SSBP2: variants seen among roughly 807,000 people sequenced by gnomAD.
SSBP2 encodes single-stranded DNA-binding protein 2.
SSBP2 carries 17 observed loss-of-function variants against 61.8 expected under a neutral mutation model. The ratio of observed to expected loss-of-function variants is 0.28; its 90% CI spans 0.19 to 0.41. The LOEUF (loss-of-function observed/expected upper bound fraction) is 0.41. Among genes scored for constraint, SSBP2 ranks in the 10% least tolerant of loss-of-function variants. The probability of loss-of-function intolerance (pLI) is 1.00; values close to 1 mark genes in which losing one functional copy is unlikely to be tolerated. For synonymous variants in SSBP2, 139 were observed against 141.3 expected (o/e 0.98, Z 0.12); for missense variants, 310 against 458.7 (o/e 0.68, Z 2.96).
chr5:81,446,343 T>C (rs1162959793), intron 12 of SSBP2, among the ~76,000 whole-genome samples: 1 of 152,222 alleles, frequency 6.6e-6, no homozygotes, highest in African/African-American at 2.4e-5. Flanking sequence ...CATTGAAGTA[T>C]GTTTTAGTTT....
chr5:81,666,078 AGAAATCT>A (rs1452940950), intron 1 of SSBP2, among the ~76,000 whole-genome samples: 1 of 152,234 alleles, frequency 6.6e-6, no homozygotes, highest in African/African-American at 2.4e-5. Context: ...GTGAAAAATT[AGAAATCT>A]GTTTTTAACA....
At chr5:81,611,258 AAAGATG>A (rs1213124598) in intron 4 of SSBP2, among the ~76,000 whole-genome samples, 1 of 152,180 alleles carries the variant, frequency 6.6e-6, no homozygotes, top group Non-Finnish European at 1.5e-5. Flanking sequence ...CGGGTAAGTG[AAAGATG>A]AGTTTTGCTA....
At chr5:81,468,592 C>T (rs1350538891) in intron 8 of SSBP2, among the ~76,000 whole-genome samples, 1 of 151,994 alleles carries the variant, frequency 6.6e-6, no homozygotes, top group Admixed American at 6.6e-5. Context: ...CTCCAACCTA[C>T]TGGATTTAAG....
intron 4 of SSBP2, among the ~76,000 whole-genome samples, chr5:81,525,826 A>ATC (rs1769889741): frequency 6.6e-6 from 1 of 151,976 alleles, no homozygotes; most frequent in Non-Finnish European, 1.5e-5. Context: ...TGCTTCCTCT[A>ATC]TCATCCTAGA....
chr5:81,456,245 T>A (rs1764135585), intron 10 of SSBP2, among the ~76,000 whole-genome samples: 1 of 152,150 alleles, frequency 6.6e-6, no homozygotes, highest in Non-Finnish European at 1.5e-5. Flanking sequence ...CCCTGACAAG[T>A]GAGCGAATTA....
At chr5:81,627,930 T>C (rs948354886) in intron 3 of SSBP2, among the ~76,000 whole-genome samples, 4 of 151,858 alleles carry the variant, frequency 2.6e-5, no homozygotes, top group African/African-American at 9.7e-5. Flanking sequence ...CTGGGCATGG[T>C]GATATGCTCC....
intron 16 of SSBP2, among the ~76,000 whole-genome samples, chr5:81,425,377 TA>T (rs944101567): frequency 5.3e-4 from 81 of 152,300 alleles, no homozygotes; most frequent in African/African-American, 1.9e-3. Flanking sequence ...ATGATTACAT[TA>T]AAAAATTGGG....
At position 81,751,030 on chromosome 5, in the gene SSBP2, C is replaced by T. The variant is rs959088621; in HGVS notation, c.13G>A (p.Gly5Ser). 3.1e-6 allele frequency: 5 copies of T among 1,598,360 alleles called. No individual in the cohort carries two copies. Among genetic ancestry groups the T allele is most frequent in the East Asian group, 4.6e-5 (2 of 43,938 alleles). The change falls in exon 1 of 17, where the codon GGC becomes AGC. Residue 5 changes from glycine (G) to serine (S), a missense_variant. By Grantham distance (56) the Gly-to-Ser change is moderately conservative. Transcript: ENST00000320672. ...GGGACGGCGCTGCTGTTACTCTTGCCTTTGCCGTACATGCTTGTGCCGAGA... is the reference window on the plus strand; with the variant it reads ...GGGACGGCGCTGCTGTTACTCTTGCTTTTGCCGTACATGCTTGTGCCGAGA...
Position 81,650,289 on chromosome 5 carries a change from G to A in SSBP2, c.113C>T (p.Ser38Leu). Residue 38 changes from serine to leucine, a missense_variant, in exon 2 of 17, where the codon TCA becomes TTA. Physicochemically the swap from Ser to Leu is moderately radical, Grantham distance 145. Coordinates refer to ENST00000320672, the MANE Select transcript of SSBP2 (RefSeq NM_012446.5). ...TACCTCTGATAAAAATGTTTGAGCTGATTTCTGAGCTCCTACATGGAGCAG... is the reference window on the plus strand; with the variant it reads ...TACCTCTGATAAAAATGTTTGAGCTAATTTCTGAGCTCCTACATGGAGCAG... 1 of 1,589,852 alleles carries A rather than the reference G, an allele frequency of 6.3e-7. No homozygotes were observed. Among genetic ancestry groups the A allele is most frequent in the Non-Finnish European group, 8.6e-7 (1 of 1,168,382 alleles).
intron 6 of SSBP2, among the ~76,000 whole-genome samples, chr5:81,483,617 G>C (rs1580799747): frequency 6.6e-6 from 1 of 152,186 alleles, no homozygotes; most frequent in East Asian, 1.9e-4. Flanking sequence ...CTGGCTTTTG[G>C]ACCTAAGATG....
intron 1 of SSBP2, 47 bp from the exon 2 acceptor site, chr5:81,650,386 C>T: frequency 7.5e-7 from 1 of 1,324,940 alleles, no homozygotes; most frequent in Non-Finnish European, 1.0e-6. Context: ...TATTAAAATT[C>T]ATTCTTTAAA....
rs147665567 is a variant in SSBP2, at chr5:81,612,463, C to T, written c.282+3010G>A. Among the ~76,000 whole-genome samples the T allele has an allele frequency of 4.3e-3, 655 of 152,098 alleles. 7 individuals are homozygous for T. Among genetic ancestry groups the T allele is most frequent in the African/African-American group, 0.015 (618 of 41,522 alleles). On this transcript the variant is annotated intron_variant, in intron 4 of 16. Coordinates refer to ENST00000320672, the MANE Select transcript of SSBP2 (RefSeq NM_012446.5). The stretch of plus-strand genomic sequence containing the variant: ...GATATTTGGAAAATACAGTAATATA[C>T]ATAGACAAAAATAAAAATCATGCAT...
At chr5:81,726,106 T>C (rs1755872137) in intron 1 of SSBP2, among the ~76,000 whole-genome samples, 1 of 152,134 alleles carries the variant, frequency 6.6e-6, no homozygotes, top group Non-Finnish European at 1.5e-5. Context: ...GGCAGAGAAT[T>C]AGAATGAATA....
intron 10 of SSBP2, among the ~76,000 whole-genome samples, chr5:81,458,376 A>G (rs1764311240): frequency 6.6e-6 from 1 of 152,230 alleles, no homozygotes; most frequent in South Asian, 2.1e-4. Context: ...GCAAGTATTT[A>G]GGGATAAAGT....
intron 4 of SSBP2, among the ~76,000 whole-genome samples, chr5:81,522,555 A>G (rs1268533268): frequency 6.6e-6 from 1 of 152,130 alleles, no homozygotes; most frequent in Non-Finnish European, 1.5e-5. Flanking sequence ...AAAATTTGTT[A>G]AATAAAATGC....
intron 14 of SSBP2, among the ~76,000 whole-genome samples, chr5:81,438,269 T>G (rs1762796983): frequency 1.3e-5 from 2 of 151,318 alleles, no homozygotes; most frequent in Non-Finnish European, 2.9e-5. Flanking sequence ...GAAATTCACT[T>G]GAACCTGGGA....
intron 4 of SSBP2, among the ~76,000 whole-genome samples, chr5:81,554,532 TTCTTGCTCTGAGGCTCATTCTCTA>T (rs1772450365): frequency 6.6e-6 from 1 of 151,696 alleles, no homozygotes; most frequent in Non-Finnish European, 1.5e-5. Flanking sequence ...TCCACATATA[TTCTTGCTCTGAGGCTCATTCTCTA>T]TTGAATTAAT....
At chr5:81,622,019 G>C (rs1311698399) in intron 3 of SSBP2, among the ~76,000 whole-genome samples, 1 of 148,256 alleles carries the variant, frequency 6.7e-6, no homozygotes, top group East Asian at 2.0e-4. Flanking sequence ...TGACGAGTTA[G>C]TGGGTGCAGC....
intron 5 of SSBP2, among the ~76,000 whole-genome samples, chr5:81,494,772 T>G (rs1767162971): frequency 6.6e-6 from 1 of 151,240 alleles, no homozygotes; most frequent in Non-Finnish European, 1.5e-5. Context: ...GTAGAAGAAA[T>G]AAAAGTATAT....
Sources: allele counts gnomAD v4.1 joint callset (sites outside exome capture counted in the v4.1 genomes callset), GRCh38; gene constraint gnomAD v4.1.1; transcripts MANE v1.5; gene names NCBI Gene and HGNC (gene_info 2026-07-23, HGNC 2026-07-21).